ENOX2: variants seen among roughly 807,000 people sequenced by gnomAD.
The protein encoded by ENOX2 is APK1 antigen.
Under a neutral mutation model 45.0 loss-of-function variants are expected in ENOX2, and 36 were observed. The ratio of observed to expected loss-of-function variants is 0.80; its 90% CI spans 0.61 to 1.06. The LOEUF (loss-of-function observed/expected upper bound fraction) is 1.06, where lower values mean the gene tolerates loss of function less well. Among genes scored for constraint, ENOX2 ranks in the 50% least tolerant of loss-of-function variants. ENOX2 has a pLI of 0.00. For synonymous variants in ENOX2, 174 were observed against 152.3 expected (o/e 1.14, Z -1.05); for missense variants, 423 against 462.5 (o/e 0.91, Z 0.78).
chrX:130,760,558 CAGGT>C (rs2148351155), intron 3 of ENOX2, among the ~76,000 whole-genome samples: 1 of 109,226 alleles, frequency 9.2e-6, no homozygotes, highest in East Asian at 2.9e-4. Flanking sequence ...GAGGCTGAGG[CAGGT>C]GGATCACGAG....
chrX:130,753,866 T>A (rs1304353241), intron 3 of ENOX2, among the ~76,000 whole-genome samples: 1 of 111,094 alleles, frequency 9.0e-6, no homozygotes, highest in Admixed American at 9.6e-5. Context: ...TTTCCTTGGA[T>A]AAATACCCAG....
At chrX:130,856,026 C>G (rs1038137816) in intron 2 of ENOX2, among the ~76,000 whole-genome samples, 1 of 111,906 alleles carries the variant, frequency 8.9e-6, no homozygotes, top group African/African-American at 3.2e-5. Context: ...TGAGATATCA[C>G]GCTCACCTAT....
intron 10 of ENOX2, among the ~76,000 whole-genome samples, chrX:130,653,597 A>C (rs1299955959): frequency 9.0e-6 from 1 of 111,564 alleles, no homozygotes; most frequent in Non-Finnish European, 1.9e-5. Context: ...TTTTTCACTG[A>C]CTGTGACAAC....
At chrX:130,830,302 A>G (rs776812268) in intron 2 of ENOX2, among the ~76,000 whole-genome samples, 14 of 111,851 alleles carry the variant, frequency 1.3e-4, no homozygotes, top group African/African-American at 4.2e-4. Context: ...TCTCTGCTCA[A>G]CAATGCTACT....
chrX:130,860,209 G>A (rs2078387828), intron 2 of ENOX2, among the ~76,000 whole-genome samples: 1 of 111,550 alleles, frequency 9.0e-6, no homozygotes, highest in East Asian at 2.8e-4. Context: ...CACCCGCCTT[G>A]GCCTCCCAAA....
chrX:130,663,348 T>C (rs780020544), intron 9 of ENOX2, among the ~76,000 whole-genome samples: 3 of 110,394 alleles, frequency 2.7e-5, no homozygotes, highest in Non-Finnish European at 5.7e-5. Context: ...CTGGGCAACA[T>C]GGTGAAAACC....
chrX:130,868,412 C>T (rs2078522396), intron 2 of ENOX2, among the ~76,000 whole-genome samples: 2 of 111,854 alleles, frequency 1.8e-5, no homozygotes, highest in Admixed American at 1.9e-4. Flanking sequence ...GCTTTTGCTC[C>T]ATCAGTGAAA....
At chrX:130,817,344 G>C (rs1195730282) in intron 2 of ENOX2, among the ~76,000 whole-genome samples, 1 of 111,993 alleles carries the variant, frequency 8.9e-6, no homozygotes, top group Non-Finnish European at 1.9e-5. Flanking sequence ...AAGGTACAAA[G>C]AGGAGCTGGT....
intron 2 of ENOX2, among the ~76,000 whole-genome samples, chrX:130,797,590 T>A (rs967252706): frequency 2.7e-5 from 3 of 110,195 alleles, no homozygotes; most frequent in African/African-American, 9.9e-5. Context: ...CAGAATTTCC[T>A]GGAAATTGGC....
chrX:130,648,834 G>C (rs2036317201), intron 10 of ENOX2, among the ~76,000 whole-genome samples: 1 of 107,995 alleles, frequency 9.3e-6, no homozygotes, highest in East Asian at 2.9e-4. Flanking sequence ...TGGGTCACGA[G>C]GTCAGGAGAT....
chrX:130,873,779 C>A (rs2078644590), intron 2 of ENOX2, among the ~76,000 whole-genome samples: 1 of 108,932 alleles, frequency 9.2e-6, no homozygotes, highest in Non-Finnish European at 1.9e-5. Context: ...TCCTTCTCAG[C>A]AAACTAACAC....
At chrX:130,630,550 C>T (rs776169957) in intron 13 of ENOX2, among the ~76,000 whole-genome samples, 94 of 111,289 alleles carry the variant, frequency 8.4e-4, no homozygotes, top group African/African-American at 3.0e-3. Flanking sequence ...CATCAAGATG[C>T]GCACCCAAAA....
chrX:130,760,742 T>C (rs1433614311), intron 3 of ENOX2, among the ~76,000 whole-genome samples: 1 of 80,541 alleles, frequency 1.2e-5, no homozygotes, highest in East Asian at 4.2e-4. Context: ...GCTGAGATCA[T>C]GCCACTGCAC....
rs186360361 is a variant in ENOX2, at chrX:130,642,383, A to C, written c.1130-4973T>G. On this transcript the variant is annotated intron_variant, in intron 10 of 14. Transcript: ENST00000394363. ...ATGAACAAGGAGTTGCTTCCTATGGATGAGCAAAGAAAATGGTTTCTTGAG... is the reference window on the plus strand; with the variant it reads ...ATGAACAAGGAGTTGCTTCCTATGGCTGAGCAAAGAAAATGGTTTCTTGAG... Among the ~76,000 whole-genome samples the C allele has an allele frequency of 6.7e-3, 749 of 112,329 alleles. 9 individuals carry two copies. The highest frequency in any genetic ancestry group is 0.023 in the African/African-American group (709 of 30,942).
intron 10 of ENOX2, among the ~76,000 whole-genome samples, chrX:130,638,632 T>C (rs2035998983): frequency 9.0e-6 from 1 of 111,607 alleles, no homozygotes; most frequent in Admixed American, 9.5e-5. Context: ...CAACTCTTTT[T>C]ATATTTGTTA....
intron 2 of ENOX2, among the ~76,000 whole-genome samples, chrX:130,858,603 A>G (rs1399374958): frequency 9.0e-6 from 1 of 111,707 alleles, no homozygotes; most frequent in African/African-American, 3.3e-5. Flanking sequence ...CTTATTTTAC[A>G]TGGTATTGGT....
intron 3 of ENOX2, among the ~76,000 whole-genome samples, chrX:130,704,735 T>C (rs181564866): frequency 1.3e-4 from 15 of 111,904 alleles, no homozygotes; most frequent in African/African-American, 4.5e-4. Flanking sequence ...GAAATATTAG[T>C]TTTTGTCATT....
chrX:130,747,725 G>A (rs1334666985), intron 3 of ENOX2, among the ~76,000 whole-genome samples: 1 of 112,509 alleles, frequency 8.9e-6, no homozygotes, highest in South Asian at 3.7e-4. Flanking sequence ...AGGACAAACA[G>A]TTCCTCATCC....
At chrX:130,654,815 G>A (rs1025930496) in intron 10 of ENOX2, among the ~76,000 whole-genome samples, 3 of 112,107 alleles carry the variant, frequency 2.7e-5, no homozygotes, top group Admixed American at 9.4e-5. Flanking sequence ...GTCTCTAAAC[G>A]AATAAGATTC....
Sources: gnomAD v4.1 joint callset for allele counts (sites outside exome capture counted in the v4.1 genomes callset) on GRCh38, gnomAD v4.1.1 for gene constraint, MANE v1.5 for transcripts, NCBI Gene and HGNC (gene_info 2026-07-23, HGNC 2026-07-21) for gene names.